USP20: variants seen among roughly 807,000 people sequenced by gnomAD.
USP20 encodes the protein ubiquitin specific peptidase 20.
Under a neutral mutation model 124.2 loss-of-function variants are expected in USP20, and 80 were observed. The ratio of observed to expected loss-of-function variants is 0.64; its 90% CI spans 0.54 to 0.78. The LOEUF (loss-of-function observed/expected upper bound fraction) is 0.78. USP20 is among the 30% of genes least tolerant of loss of function. The pLI is 0.00. For synonymous variants in USP20, 481 were observed against 512.3 expected, an observed-to-expected ratio of 0.94 and a Z score of 0.83; for missense variants, 1,043 against 1,244.4, an observed-to-expected ratio of 0.84 and a Z score of 2.44.
chr9:129,857,076 T>C (rs1295356593), intron 4 of USP20, among the ~76,000 whole-genome samples: 1 of 145,166 alleles, frequency 6.9e-6, no homozygotes, highest in African/African-American at 2.5e-5. Flanking sequence ...AACCCACGAG[T>C]AAAAACAACA....
intron 9 of USP20, among the ~76,000 whole-genome samples, chr9:129,863,592 G>T (rs950652820): frequency 2.0e-5 from 3 of 152,220 alleles, no homozygotes; most frequent in Admixed American, 6.5e-5. Flanking sequence ...ACTGGTAGAT[G>T]TCTTTGCCAA....
intron 1 of USP20, chr9:129,835,780 G>A (rs1048324447): frequency 9.8e-5 from 15 of 152,438 alleles, no homozygotes; most frequent in African/African-American, 3.6e-4. Context: ...TTTCTGCCGG[G>A]GCCTGACCTA....
At chr9:129,871,510 A>G (rs2034127294) in intron 15 of USP20, among the ~76,000 whole-genome samples, 1 of 151,902 alleles carries the variant, frequency 6.6e-6, no homozygotes, top group Non-Finnish European at 1.5e-5. Flanking sequence ...CTCTTCTTTC[A>G]TCCCTTTGGG....
At chr9:129,877,623 AGG>A (rs1475328347) in intron 22 of USP20, among the ~76,000 whole-genome samples, 5 of 150,672 alleles carry the variant, frequency 3.3e-5, no homozygotes, top group African/African-American at 1.2e-4. Context: ...ACTTGAGCCC[AGG>A]AGGTCAAGGC....
Position 129,851,258 on chromosome 9 carries a change from C to CTTT in USP20, c.-16-1265_-16-1263dup, listed in dbSNP as rs35791819. Among the ~76,000 whole-genome samples, 10 of 126,240 alleles carry CTTT rather than the reference C, an allele frequency of 7.9e-5. 1 individual carries two copies. The highest frequency in any genetic ancestry group is 4.9e-5 in the Non-Finnish European group (3 of 61,236). 82.8% of individuals were successfully genotyped at this position (126,240 alleles called of 152,430 possible). On this transcript the variant is annotated intron_variant, in intron 2 of 25. Coordinates refer to ENST00000372429, the MANE Select transcript of USP20 (RefSeq NM_001110303.4). Reference sequence around the variant, plus strand: ...CCCCTAATGGTAAGAATAACACATACTTTTTTTTTTTTTTTTTTTGAGATG... The same window carrying CTTT: ...CCCCTAATGGTAAGAATAACACATACTTTTTTTTTTTTTTTTTTTTTTGAGATG...
At chr9:129,843,292 T>G (rs948252877) in intron 1 of USP20, among the ~76,000 whole-genome samples, 4 of 151,844 alleles carry the variant, frequency 2.6e-5, no homozygotes, top group African/African-American at 9.7e-5. Flanking sequence ...TATGTGGGTG[T>G]GATGGTGGAT....
intron 1 of USP20, among the ~76,000 whole-genome samples, chr9:129,846,399 G>C (rs1197679018): frequency 6.7e-6 from 1 of 150,260 alleles, no homozygotes; most frequent in African/African-American, 2.5e-5. Flanking sequence ...GGGACTACAG[G>C]TGCGTGCACC....
At position 129,874,598 on chromosome 9, in the gene USP20, G is replaced by A. The variant is rs762740870; in HGVS notation, c.1763G>A (p.Arg588His). The A allele has an allele frequency of 1.3e-5, 21 of 1,613,608 alleles. No homozygotes were observed. The highest frequency in any genetic ancestry group is 2.2e-5 in the East Asian group (1 of 44,890). ...CAGATCCTGTGCATTCACCTAAAGC[G>A]CTTTCGGCACGAGGTGATGTACTCA... ...LPEILCIHLK[R>H]FRHEVMYSFK... is the part of the protein sequence containing the mutation. The change falls in exon 18 of 26, where the codon CGC (arginine) becomes CAC (histidine). Residue 588 changes from arginine (R) to histidine (H), a missense_variant. Arg to His is a conservative substitution (Grantham distance 29). Coordinates refer to ENST00000372429, the MANE Select transcript of USP20 (RefSeq NM_001110303.4).
intron 15 of USP20, among the ~76,000 whole-genome samples, chr9:129,871,039 TA>T (rs1254459902): frequency 2.0e-5 from 3 of 152,172 alleles, no homozygotes; most frequent in Non-Finnish European, 4.4e-5. Flanking sequence ...ATAACCATTG[TA>T]AATGCTGTTT....
intron 22 of USP20, among the ~76,000 whole-genome samples, chr9:129,878,087 C>G (rs1333690846): frequency 6.6e-6 from 1 of 152,104 alleles, no homozygotes; most frequent in Non-Finnish European, 1.5e-5. Context: ...GTAGAATCTC[C>G]CTTGTGGTCT....
chr9:129,873,581 T>C (rs376215778), intron 16 of USP20, 66 bp downstream of exon 16: 1 of 1,613,106 alleles, frequency 6.2e-7, no homozygotes, highest in African/African-American at 1.3e-5. Context: ...TCCCCTTGGG[T>C]TCCTGCAGAG....
chr9:129,838,844 C>A (rs1404112856), intron 1 of USP20, among the ~76,000 whole-genome samples: 1 of 152,208 alleles, frequency 6.6e-6, no homozygotes, highest in Non-Finnish European at 1.5e-5. Flanking sequence ...CCTAGGGTAG[C>A]CCCAAACCCA....
At position 129,875,586 on chromosome 9, in the gene USP20, A is replaced by G; in HGVS notation, c.2245A>G (p.Ile749Val). The change falls in exon 21 of 26, where the codon ATC (isoleucine) becomes GTC (valine). Residue 749 changes from isoleucine (I) to valine (V), a missense_variant. By Grantham distance (29) the Ile-to-Val change is conservative. Coordinates refer to ENST00000372429, the MANE Select transcript of USP20 (RefSeq NM_001110303.4). ...CATCCCGCCCCACAAATACCACTAC[A>G]TCGACGACCTGGTGGTCATCCTGCC... is the stretch of plus-strand genomic sequence containing the variant. The part of the protein sequence containing the change: ...GGIPPHKYHY[I>V]DDLVVILPQN... 4 of 1,613,986 alleles carry G rather than the reference A, an allele frequency of 2.5e-6. No individual in the cohort carries two copies. The highest frequency in any genetic ancestry group is 2.2e-5 in the South Asian group (2 of 91,074).
intron 1 of USP20, among the ~76,000 whole-genome samples, chr9:129,838,509 C>T (rs976488120): frequency 1.3e-5 from 2 of 152,144 alleles, no homozygotes; most frequent in African/African-American, 2.4e-5. Flanking sequence ...TTATCATCAA[C>T]GACTGCTCAA....
Position 129,879,013 on chromosome 9 carries a change from G to C in USP20, c.2513-560G>C, listed in dbSNP as rs553664681. On this transcript the variant is annotated intron_variant, in intron 23 of 25. Transcript: ENST00000372429. The surrounding 1 kb of genome is among the most constrained non-coding windows in gnomAD (Gnocchi z 4.2). ...TGGTGTGGAGCATGAGCACCCACCTGTGCTTGGGAAGGGAGGCCTCATTGC... is the reference window on the plus strand; with the variant it reads ...TGGTGTGGAGCATGAGCACCCACCTCTGCTTGGGAAGGGAGGCCTCATTGC... Among the ~76,000 whole-genome samples the C allele has an allele frequency of 1.3e-4, 20 of 152,380 alleles. 1 individual carries two copies. Among genetic ancestry groups the C allele is most frequent in the African/African-American group, 4.8e-4 (20 of 41,602 alleles).
chr9:129,873,080 C>CTTTTTTTTTTTTTTTTTTT (rs59712662), intron 15 of USP20, among the ~76,000 whole-genome samples: 4 of 78,366 alleles, frequency 5.1e-5, no homozygotes, highest in Admixed American at 1.9e-4. Flanking sequence ...TTTTCTTCTT[C>CTTTTTTTTTTTTTTTTTTT]TTTTTTTTTT....
At chr9:129,846,247 A>ATTTTTTTT (rs35809246) in intron 1 of USP20, among the ~76,000 whole-genome samples, 2 of 32,682 alleles carry the variant, frequency 6.1e-5, no homozygotes, top group South Asian at 1.9e-3. Flanking sequence ...ATATATATAT[A>ATTTTTTTT]TTTTTTTTTT....
rs1236824618 is a variant in USP20 at position 129,881,118 on chromosome 9, G to C, written c.*668G>C. The C allele has an allele frequency of 6.6e-6, 1 of 152,280 alleles. No individual in the cohort carries two copies. The highest frequency in any genetic ancestry group is 1.5e-5 in the Non-Finnish European group (1 of 68,098). 9.4% of individuals were successfully genotyped at this position (152,280 alleles called of 1,614,324 possible). A position where few individuals can be genotyped will look rare whatever the true frequency, so the allele number is the denominator to read the frequency against. On this transcript the variant is annotated 3_prime_UTR_variant, in exon 26 of 26. Transcript: ENST00000372429. Reference sequence around the variant, plus strand: ...CCCCACACCGCGTCCTGCTGAGCCTGCCCCCTGGATTGGCTGTAATTTGCC... The same window carrying C: ...CCCCACACCGCGTCCTGCTGAGCCTCCCCCCTGGATTGGCTGTAATTTGCC...
chr9:129,838,992 C>T (rs1222041762), intron 1 of USP20, among the ~76,000 whole-genome samples: 1 of 152,226 alleles, frequency 6.6e-6, no homozygotes, highest in Non-Finnish European at 1.5e-5. Context: ...TGAAGAATGA[C>T]TCAGAAGAGG....
Sources: gnomAD v4.1 joint callset for allele counts (sites outside exome capture counted in the v4.1 genomes callset) on GRCh38, gnomAD v4.1.1 for gene constraint, Gnocchi (gnomAD v3.1) non-coding constraint, MANE v1.5 for transcripts, NCBI Gene and HGNC (gene_info 2026-07-23, HGNC 2026-07-21) for gene names.